Variants in ALDH1L2 observed in about 807,000 individuals in gnomAD.
ALDH1L2 encodes the protein mitochondrial 10-formyltetrahydrofolate dehydrogenase.
In ALDH1L2, 91 loss-of-function variants were observed where a neutral mutation model predicts 111.0. The observed-to-expected ratio is 0.82, with a 90% CI of 0.69 to 0.98. The LOEUF is 0.98. ALDH1L2 is among the 50% of genes least tolerant of loss of function. The probability of loss-of-function intolerance (pLI) is 0.00; values close to 1 mark genes in which losing one functional copy is unlikely to be tolerated. For missense variants in ALDH1L2, 995 were observed against 1,126.8 expected, an observed-to-expected ratio of 0.88 and a Z score of 1.67; for synonymous variants, 374 against 392.6, an observed-to-expected ratio of 0.95 and a Z score of 0.56.
At chr12:105,040,788 A>G (rs1205831255) in intron 15 of ALDH1L2, 94 bp from the exon 16 acceptor site, 2 of 970,190 alleles carry the variant, frequency 2.1e-6, no homozygotes, top group African/African-American at 1.6e-5. Context: ...ACTAGATCTC[A>G]TTTTATTTTT....
intron 19 of ALDH1L2, 140 bp from the exon 20 acceptor site, chr12:105,032,074 G>GTTT: frequency 1.9e-4 from 101 of 534,128 alleles, no homozygotes; most frequent in South Asian, 5.3e-4. Context: ...TAGGTGGTTG[G>GTTT]TTTTTTTTTT....
intron 3 of ALDH1L2, 47 bp downstream of exon 3, chr12:105,070,523 A>C (rs752215853): frequency 1.4e-6 from 2 of 1,473,062 alleles, no homozygotes; most frequent in African/African-American, 1.4e-5. Context: ...TGGGCAACAT[A>C]GCAAGACCCC....
Position 105,021,732 on chromosome 12 carries a change from A to G in ALDH1L2, c.*2692T>C, listed in dbSNP as rs1874173551. On this transcript the variant is annotated 3_prime_UTR_variant, in exon 23 of 23. Coordinates refer to ENST00000258494, the MANE Select transcript of ALDH1L2 (RefSeq NM_001034173.4). ...CTTTCATACAGGAGGCCCTTAATAA[A>G]TGGTAGCTGTCATATCGTATTATTA... 1 of 152,208 alleles carries G rather than the reference A, an allele frequency of 6.6e-6. No homozygotes were observed. Among genetic ancestry groups the G allele is most frequent in the Admixed American group, 6.5e-5 (1 of 15,284 alleles). The allele number at this position is 152,208 out of a possible 1,614,324, so 9.4% of individuals were successfully genotyped here.
At chr12:105,075,093 T>G (rs1176266089) in intron 1 of ALDH1L2, among the ~76,000 whole-genome samples, 1 of 152,236 alleles carries the variant, frequency 6.6e-6, no homozygotes, top group Non-Finnish European at 1.5e-5. Context: ...ATCTACATGT[T>G]TGCCACCTTA....
intron 7 of ALDH1L2, among the ~76,000 whole-genome samples, chr12:105,062,033 A>C (rs1877033308): frequency 1.3e-5 from 2 of 152,244 alleles, no homozygotes; most frequent in Non-Finnish European, 2.9e-5. Flanking sequence ...ATTAGAATCT[A>C]TTATGAAAAT....
At chr12:105,046,142 C>T (rs12817246) in intron 15 of ALDH1L2, among the ~76,000 whole-genome samples, 1 of 118,410 alleles carries the variant, frequency 8.4e-6, no homozygotes, top group African/African-American at 3.2e-5. Context: ...CCCTCATCTT[C>T]TACATCTTCT....
At chr12:105,059,911 C>A (rs563938347) in intron 9 of ALDH1L2, among the ~76,000 whole-genome samples, 1 of 152,336 alleles carries the variant, frequency 6.6e-6, no homozygotes, top group South Asian at 2.1e-4. Context: ...TCTGTACCCA[C>A]CATCAAGGGA....
At chr12:105,066,033 C>T (rs569022461) in intron 5 of ALDH1L2, among the ~76,000 whole-genome samples, 2 of 151,948 alleles carry the variant, frequency 1.3e-5, no homozygotes, top group Non-Finnish European at 2.9e-5. Context: ...AGGCTGGTCT[C>T]GAATGCCTGG....
chr12:105,079,214 G>C (rs533544438), intron 1 of ALDH1L2, among the ~76,000 whole-genome samples: 2 of 152,278 alleles, frequency 1.3e-5, no homozygotes, highest in Non-Finnish European at 2.9e-5. Flanking sequence ...ATATAGTCTG[G>C]AATAGTGTGA....
intron 21 of ALDH1L2, among the ~76,000 whole-genome samples, chr12:105,029,200 A>T (rs1038499770): frequency 4.6e-5 from 6 of 130,492 alleles, no homozygotes; most frequent in Middle Eastern, 4.1e-3. Context: ...GCTAATTTTT[A>T]AAAAAAATTT....
At chr12:105,063,967 C>CTTTTT (rs201497480) in intron 6 of ALDH1L2, among the ~76,000 whole-genome samples, 1 of 135,510 alleles carries the variant, frequency 7.4e-6, no homozygotes, top group Non-Finnish European at 1.6e-5. Context: ...TGTATTAATT[C>CTTTTT]TTTTTTTTTT....
chr12:105,072,163 A>G (rs909726588), intron 2 of ALDH1L2, among the ~76,000 whole-genome samples: 7 of 148,004 alleles, frequency 4.7e-5, no homozygotes, highest in African/African-American at 1.7e-4. Context: ...AATAAATTAT[A>G]GAAATTATGA....
At chr12:105,032,285 C>T (rs1874754077) in intron 19 of ALDH1L2, among the ~76,000 whole-genome samples, 1 of 149,162 alleles carries the variant, frequency 6.7e-6, no homozygotes, top group Non-Finnish European at 1.5e-5. Context: ...TCAAGCTGTT[C>T]TCATGTCTCA....
chr12:105,032,312 GGATTAC>G (rs1227327155), intron 19 of ALDH1L2, among the ~76,000 whole-genome samples: 2 of 151,642 alleles, frequency 1.3e-5, no homozygotes, highest in Non-Finnish European at 2.9e-5. Flanking sequence ...TGAGTAGCTG[GGATTAC>G]AGGCGCCTGC....
At chr12:105,051,233 T>C (rs575416537) in intron 12 of ALDH1L2, among the ~76,000 whole-genome samples, 3 of 152,194 alleles carry the variant, frequency 2.0e-5, no homozygotes, top group Non-Finnish European at 2.9e-5. Context: ...GTGAATGACC[T>C]TTATAGATTA....
At chr12:105,044,220 G>A (rs1875705634) in intron 15 of ALDH1L2, among the ~76,000 whole-genome samples, 1 of 152,086 alleles carries the variant, frequency 6.6e-6, no homozygotes, top group Admixed American at 6.5e-5. Flanking sequence ...TCTGGCAACT[G>A]GTATGCACTC....
At chr12:105,061,302 C>G (rs1036151470) in intron 8 of ALDH1L2, among the ~76,000 whole-genome samples, 28 of 152,132 alleles carry the variant, frequency 1.8e-4, no homozygotes, top group African/African-American at 6.5e-4. Context: ...CCACGCCATT[C>G]TACATGCTCC....
In ALDH1L2 at chr12:105,023,367, C is replaced by T. The variant is rs1411758334; in HGVS notation, c.*1057G>A. The T allele has an allele frequency of 1.3e-5, 2 of 152,140 alleles. No individual in the cohort carries two copies. The highest frequency in any genetic ancestry group is 2.9e-5 in the Non-Finnish European group (2 of 68,028). The allele number at this position is 152,140 out of a possible 1,614,324, so 9.4% of individuals were successfully genotyped here. On this transcript the variant is annotated 3_prime_UTR_variant, in exon 23 of 23. Coordinates refer to ENST00000258494, the MANE Select transcript of ALDH1L2 (RefSeq NM_001034173.4). ...ACTATTGCCATTTTTCATTGTGTGG[C>T]ATTTTTCAGTGCTGCTGTATCAGGC... is the stretch of plus-strand genomic sequence containing the variant.
intron 19 of ALDH1L2, among the ~76,000 whole-genome samples, chr12:105,032,712 C>T (rs1342488213): frequency 6.6e-6 from 1 of 152,210 alleles, no homozygotes; most frequent in East Asian, 1.9e-4. Flanking sequence ...AAGCTACATA[C>T]ACTATATGAA....
Sources: gnomAD v4.1 joint callset for allele counts (sites outside exome capture counted in the v4.1 genomes callset) on GRCh38, gnomAD v4.1.1 for gene constraint, MANE v1.5 for transcripts, NCBI Gene and HGNC (gene_info 2026-07-23, HGNC 2026-07-21) for gene names.